TMOD2: variants seen among roughly 807,000 people sequenced by gnomAD.
TMOD2 encodes tropomodulin 2.
Under a neutral mutation model 39.9 loss-of-function variants are expected in TMOD2, and 22 were observed. The observed-to-expected ratio is 0.55, with a 90% CI of 0.39 to 0.79. The LOEUF is 0.79. Among genes scored for constraint, TMOD2 ranks in the 30% least tolerant of loss-of-function variants. TMOD2 has a pLI of 0.00. For synonymous variants in TMOD2, 123 were observed against 146.1 expected (o/e 0.84, Z 1.14); for missense variants, 386 against 413.3 (o/e 0.93, Z 0.57).
intron 5 of TMOD2, among the ~76,000 whole-genome samples, chr15:51,777,674 G>A (rs924812042): frequency 6.6e-6 from 1 of 152,130 alleles, no homozygotes; most frequent in African/African-American, 2.4e-5. Context: ...AGATGAAAAT[G>A]GTCCCTGCCC....
rs150384170 is a variant in TMOD2 at position 51,792,780 on chromosome 15, C to T, written c.733-5417C>T. On this transcript the variant is annotated intron_variant, in intron 7 of 9. Coordinates refer to ENST00000249700, the MANE Select transcript of TMOD2 (RefSeq NM_014548.4). Reference sequence around the variant, plus strand: ...ATCACAAGATCAGAAAACCAAACACCGCATGTTCTCACTCATAAGTGGGAG... The same window carrying T: ...ATCACAAGATCAGAAAACCAAACACTGCATGTTCTCACTCATAAGTGGGAG... 1.8e-3 allele frequency among the ~76,000 whole-genome samples: 271 copies of T among 152,180 alleles called. 11 individuals are homozygous for T. Among genetic ancestry groups the T allele is most frequent in the East Asian group, 0.017 (89 of 5,188 alleles).
rs373624853 is a variant in TMOD2, at chr15:51,806,403, G to A, written c.903G>A (p.Glu301=). Residue 301 remains glutamate (E), a synonymous_variant, in exon 9 of 10, where the codon GAG becomes GAA. Transcript: ENST00000249700. ...GGCAGCAGTTGGGAACAGCTGTAGA[G>A]ATGGAAATTGCCCAGATGCTGGAGG... ...NQRQQLGTAV[E]MEIAQMLEEN... is the part of the protein sequence containing the mutation. 6.2e-7 allele frequency: 1 copy of A among 1,614,100 alleles called. No homozygotes were observed. The highest frequency in any genetic ancestry group is 1.3e-5 in the African/African-American group (1 of 74,942).
intron 5 of TMOD2, 77 bp downstream of exon 5, chr15:51,777,095 G>T: frequency 1.6e-6 from 2 of 1,221,946 alleles, no homozygotes; most frequent in South Asian, 1.2e-5. Flanking sequence ...GGCCTGTTGA[G>T]TCTTGCAGGC....
intron 3 of TMOD2, among the ~76,000 whole-genome samples, chr15:51,771,735 A>G (rs1195131418): frequency 6.6e-6 from 1 of 152,174 alleles, no homozygotes; most frequent in Non-Finnish European, 1.5e-5. Flanking sequence ...CCAGAAAGAA[A>G]ATGTTTCAGG....
chr15:51,776,630 A>G (rs1005439573), intron 4 of TMOD2, among the ~76,000 whole-genome samples: 2 of 152,146 alleles, frequency 1.3e-5, no homozygotes, highest in Non-Finnish European at 2.9e-5. Context: ...AGGTTTTCCT[A>G]TTTAACTAGG....
intron 4 of TMOD2, among the ~76,000 whole-genome samples, chr15:51,775,563 CTTTTTCCT>C (rs1241695811): frequency 4.1e-5 from 4 of 96,524 alleles, no homozygotes; most frequent in Admixed American, 1.3e-4. Flanking sequence ...GTGACAAATT[CTTTTTCCT>C]TTTTTTTTTT....
intron 1 of TMOD2, among the ~76,000 whole-genome samples, chr15:51,754,956 G>A (rs567689441): frequency 1.4e-3 from 218 of 152,326 alleles, no homozygotes; most frequent in African/African-American, 5.2e-3. Flanking sequence ...CAGGACATAT[G>A]ATTAAATGTG....
chr15:51,768,362 A>T lies in TMOD2; in HGVS notation c.227A>T (p.Glu76Val), dbSNP rs776247545. 6.2e-7 allele frequency: 1 copy of T among 1,614,106 alleles called. No homozygotes were observed. The highest frequency in any genetic ancestry group is 8.5e-7 in the Non-Finnish European group (1 of 1,180,014). The change falls in exon 3 of 10, where the codon GAG becomes GTG. Residue 76 changes from glutamate to valine, a missense_variant. By Grantham distance (121) the Glu-to-Val change is moderately radical. Coordinates refer to ENST00000249700, the MANE Select transcript of TMOD2 (RefSeq NM_014548.4). ...REHLLMYLEK[E>V]ALEQKDREDF... The stretch of plus-strand genomic sequence containing the variant: ...CACCTCCTCATGTACCTGGAGAAGG[A>T]GGCTTTGGAACAGAAAGACAGAGAG...
chr15:51,772,832 T>G (rs1375608936), intron 3 of TMOD2, among the ~76,000 whole-genome samples: 1 of 152,184 alleles, frequency 6.6e-6, no homozygotes, highest in African/African-American at 2.4e-5. Context: ...ATCACCAGTT[T>G]GTTACTCAGG....
Position 51,811,797 on chromosome 15 carries a change from AAATAT to A in TMOD2, c.*3344_*3348del, listed in dbSNP as rs2056158461. On this transcript the variant is annotated 3_prime_UTR_variant, in exon 10 of 10. Coordinates refer to ENST00000249700, the MANE Select transcript of TMOD2 (RefSeq NM_014548.4). ...TTTAGAATTGCTGCAGGCCCAGGTTAAATATGAAATTACTCCCTAGGCTTTGCAGT... is the reference window on the plus strand; with the variant it reads ...TTTAGAATTGCTGCAGGCCCAGGTTAGAAATTACTCCCTAGGCTTTGCAGT... 1 of 152,084 alleles carries A rather than the reference AAATAT, an allele frequency of 6.6e-6. No individual in the cohort carries two copies. The allele number at this position is 152,084 out of a possible 1,614,324, so 9.4% of individuals were successfully genotyped here.
At chr15:51,755,452 G>C (rs974292607) in intron 1 of TMOD2, among the ~76,000 whole-genome samples, 6 of 152,324 alleles carry the variant, frequency 3.9e-5, no homozygotes, top group African/African-American at 1.4e-4. Context: ...GTAGGGTGGG[G>C]ATGAGAAAGT....
chr15:51,806,651 G>T (rs919435166), intron 9 of TMOD2, 130 bp downstream of exon 9: 14 of 1,005,980 alleles, frequency 1.4e-5, no homozygotes, highest in Admixed American at 4.9e-5. Flanking sequence ...CATATAAGAC[G>T]CATTATTATA....
intron 5 of TMOD2, among the ~76,000 whole-genome samples, chr15:51,778,351 G>T (rs1335454398): frequency 1.0e-5 from 1 of 95,574 alleles, no homozygotes; most frequent in East Asian, 3.8e-4. Flanking sequence ...TGGGGGGAGG[G>T]GGGAGGGATA....
intron 8 of TMOD2, among the ~76,000 whole-genome samples, chr15:51,804,347 A>G (rs2056108509): frequency 6.6e-6 from 1 of 152,236 alleles, no homozygotes; most frequent in Admixed American, 6.5e-5. Context: ...AACACACTTC[A>G]AAACAATATG....
At chr15:51,771,565 C>T (rs772352153) in intron 3 of TMOD2, among the ~76,000 whole-genome samples, 2 of 152,086 alleles carry the variant, frequency 1.3e-5, no homozygotes, top group Non-Finnish European at 2.9e-5. Flanking sequence ...TTTGGGAGGC[C>T]AAGGCAGGAG....
At chr15:51,780,477 A>G (rs1250514119) in intron 5 of TMOD2, among the ~76,000 whole-genome samples, 1 of 152,198 alleles carries the variant, frequency 6.6e-6, no homozygotes, top group Non-Finnish European at 1.5e-5. Context: ...ATTGATTTGT[A>G]GGAGCTCTGT....
intron 8 of TMOD2, among the ~76,000 whole-genome samples, chr15:51,801,233 T>TCACACACACACACACA (rs1334489026): frequency 4.3e-4 from 42 of 97,112 alleles, no homozygotes; most frequent in African/African-American, 1.8e-3. Context: ...TCTCTCTCTC[T>TCACACACACACACACA]CTCTCACACA....
chr15:51,806,497 G>A lies in TMOD2; in HGVS notation c.997G>A (p.Ala333Thr), dbSNP rs769022880. 2.3e-5 allele frequency: 37 copies of A among 1,614,064 alleles called. No homozygotes were observed. Among genetic ancestry groups the A allele is most frequent in the African/African-American group, 2.7e-5 (2 of 74,932 alleles). Residue 333 changes from alanine (A) to threonine (T), a missense_variant, in exon 9 of 10, where the codon GCC becomes ACC. Transcript: ENST00000249700. ...AGGGCCACGAACAAGGGTGGCAGCT[G>A]CCATCACAAAGAATAATGACCTGGG... is the stretch of plus-strand genomic sequence containing the variant. ...KQGPRTRVAA[A>T]ITKNNDLVRK...
At chr15:51,759,638 G>A (rs757045935) in intron 1 of TMOD2, among the ~76,000 whole-genome samples, 1 of 152,170 alleles carries the variant, frequency 6.6e-6, no homozygotes, top group Non-Finnish European at 1.5e-5. Context: ...CTGTGGTCCT[G>A]CAGAACTGGG....
Sources: gnomAD v4.1 joint callset for allele counts (sites outside exome capture counted in the v4.1 genomes callset) on GRCh38, gnomAD v4.1.1 for gene constraint, MANE v1.5 for transcripts, NCBI Gene and HGNC (gene_info 2026-07-23, HGNC 2026-07-21) for gene names.